Variants in SRD5A2 observed in about 807,000 individuals in gnomAD.
SRD5A2 encodes steroid 5 alpha-reductase 2.
SRD5A2 carries 30 observed loss-of-function variants against 27.4 expected under a neutral mutation model. The observed-to-expected ratio is 1.10, with a 90% CI of 0.82 to 1.49. SRD5A2 has a LOEUF of 1.49. Ranked by LOEUF, SRD5A2 falls within the 40% of genes most tolerant of loss-of-function variation. The pLI is 0.00. For synonymous variants in SRD5A2, 141 were observed against 133.6 expected (o/e 1.06, Z -0.38); for missense variants, 348 against 323.4 (o/e 1.08, Z -0.58).
chr2:31,573,827 G>C (rs1396845592), intron 1 of SRD5A2, among the ~76,000 whole-genome samples: 2 of 152,168 alleles, frequency 1.3e-5, no homozygotes, highest in South Asian at 4.1e-4. Flanking sequence ...TTATTTCTGA[G>C]GTACTGTGTT....
the SRD5A2 span, among the ~76,000 whole-genome samples, chr2:31,634,546 A>C: frequency 2.0e-5 from 3 of 152,128 alleles, no homozygotes; most frequent in Admixed American, 1.3e-4. Context: ...ACCAATACTC[A>C]GAATAATATT....
intron 1 of SRD5A2, among the ~76,000 whole-genome samples, chr2:31,577,787 A>G (rs1666989149): frequency 6.6e-6 from 1 of 152,192 alleles, no homozygotes; most frequent in Admixed American, 6.5e-5. Flanking sequence ...GCCTCGAAAC[A>G]GATATGTATG....
chr2:31,545,326 A>C (rs1345733143), intron 1 of SRD5A2, among the ~76,000 whole-genome samples: 1 of 152,112 alleles, frequency 6.6e-6, no homozygotes, highest in African/African-American at 2.4e-5. Flanking sequence ...GCAATTTTTT[A>C]AACAAAATAC....
the SRD5A2 span, among the ~76,000 whole-genome samples, chr2:31,622,722 T>C: frequency 6.6e-6 from 1 of 152,086 alleles, no homozygotes; most frequent in Non-Finnish European, 1.5e-5. Context: ...AACCACCATA[T>C]AGTGACCATG....
At chr2:31,609,061 T>C in the SRD5A2 span, among the ~76,000 whole-genome samples, 1 of 152,100 alleles carries the variant, frequency 6.6e-6, no homozygotes, top group Non-Finnish European at 1.5e-5. Flanking sequence ...AAGATCGCCA[T>C]CTGCAACCCA....
At chr2:31,633,216 AC>A in the SRD5A2 span, among the ~76,000 whole-genome samples, 1 of 152,190 alleles carries the variant, frequency 6.6e-6, no homozygotes, top group Admixed American at 6.5e-5. Flanking sequence ...TCAAGAAGAC[AC>A]AGTTTCCTCC....
the SRD5A2 span, among the ~76,000 whole-genome samples, chr2:31,586,221 C>G: frequency 1.3e-5 from 2 of 152,142 alleles, no homozygotes; most frequent in East Asian, 3.9e-4. Flanking sequence ...CCGAGTCCCC[C>G]CAGCTCAATT....
the SRD5A2 span, among the ~76,000 whole-genome samples, chr2:31,587,386 C>T: frequency 2.0e-5 from 3 of 152,164 alleles, no homozygotes; most frequent in Admixed American, 1.3e-4. Flanking sequence ...CCATTTGACC[C>T]AGCAATCCCA....
the SRD5A2 span, among the ~76,000 whole-genome samples, chr2:31,644,737 G>A: frequency 6.6e-6 from 1 of 152,126 alleles, no homozygotes; most frequent in Non-Finnish European, 1.5e-5. Flanking sequence ...TTCAAATATT[G>A]ACTGCTGATT....
chr2:31,643,121 T>C, the SRD5A2 span, among the ~76,000 whole-genome samples: 2 of 152,144 alleles, frequency 1.3e-5, no homozygotes, highest in African/African-American at 2.4e-5. Context: ...CAAGCATTCA[T>C]AAAAATTCAT....
At chr2:31,648,937 G>A in the SRD5A2 span, among the ~76,000 whole-genome samples, 1 of 152,120 alleles carries the variant, frequency 6.6e-6, no homozygotes, top group Non-Finnish European at 1.5e-5. Flanking sequence ...AGAAAGACTA[G>A]CAGAAAACTA....
intron 1 of SRD5A2, among the ~76,000 whole-genome samples, chr2:31,548,699 A>G (rs1423821461): frequency 6.6e-6 from 1 of 152,244 alleles, no homozygotes; most frequent in Non-Finnish European, 1.5e-5. Flanking sequence ...AATTAAAAAT[A>G]GAATTACTAC....
the SRD5A2 span, among the ~76,000 whole-genome samples, chr2:31,647,799 A>G: frequency 6.6e-6 from 1 of 152,198 alleles, no homozygotes; most frequent in Non-Finnish European, 1.5e-5. Context: ...TTTATTTAAC[A>G]TTATATCTTG....
the SRD5A2 span, among the ~76,000 whole-genome samples, chr2:31,586,180 T>C: frequency 6.6e-6 from 1 of 152,112 alleles, no homozygotes; most frequent in Non-Finnish European, 1.5e-5. Flanking sequence ...TGTGTAGTCT[T>C]TTATCCCCTA....
At chr2:31,558,630 C>T (rs1309098271) in intron 1 of SRD5A2, among the ~76,000 whole-genome samples, 5 of 152,142 alleles carry the variant, frequency 3.3e-5, no homozygotes, top group African/African-American at 1.2e-4. Context: ...TAGAACCTAC[C>T]TAATCCAGTA....
the SRD5A2 span, among the ~76,000 whole-genome samples, chr2:31,609,707 G>T: frequency 1.3e-3 from 195 of 152,074 alleles, no homozygotes; most frequent in Admixed American, 4.3e-3. Context: ...TTTAAATTAG[G>T]CAGTGGTTTC....
chr2:31,647,217 A>G, the SRD5A2 span, among the ~76,000 whole-genome samples: 1 of 152,090 alleles, frequency 6.6e-6, no homozygotes, highest in African/African-American at 2.4e-5. Flanking sequence ...GGAATATAGA[A>G]CAGTGCTTTT....
rs147556686 is a variant in SRD5A2, at chr2:31,569,058, A to G, written c.281+11562T>C. On this transcript the variant is annotated intron_variant, in intron 1 of 4. Transcript: ENST00000622030. ...CACAGGGAAGCCCGGGTCCAGAGCC[A>G]TGGCTGGGTGGCTGCAGCTGCGCCA... 2.5e-3 allele frequency among the ~76,000 whole-genome samples: 380 copies of G among 152,292 alleles called. 1 individual carries two copies. Among genetic ancestry groups the G allele is most frequent in the Middle Eastern group, 6.8e-3 (2 of 294 alleles).
intron 1 of SRD5A2, among the ~76,000 whole-genome samples, chr2:31,569,495 T>A (rs1666805574): frequency 1.3e-5 from 2 of 152,166 alleles, no homozygotes; most frequent in Non-Finnish European, 2.9e-5. Flanking sequence ...CCCTAATCAC[T>A]AATAATGAGC....
Sources: allele counts gnomAD v4.1 joint callset (sites outside exome capture counted in the v4.1 genomes callset), GRCh38; gene constraint gnomAD v4.1.1; transcripts MANE v1.5; gene names NCBI Gene and HGNC (gene_info 2026-07-23, HGNC 2026-07-21).